FA2H: variants seen among roughly 807,000 people sequenced by gnomAD.
The protein encoded by FA2H is fatty acid 2-hydroxylase.
Under a neutral mutation model 44.9 loss-of-function variants are expected in FA2H, and 22 were observed. The ratio of observed to expected loss-of-function variants is 0.49; its 90% CI spans 0.35 to 0.70. FA2H has a LOEUF of 0.70. Ranked by LOEUF, FA2H falls within the 30% of genes least tolerant of loss-of-function variation. FA2H has a pLI of 0.01. For missense variants in FA2H, 501 were observed against 504.9 expected (o/e 0.99, Z 0.07); for synonymous variants, 243 against 213.2 (o/e 1.14, Z -1.22).
At chr16:74,753,777 G>A (rs10871296) in intron 1 of FA2H, among the ~76,000 whole-genome samples, 49,140 of 152,010 alleles carry the variant, frequency 0.32, 8,040 homozygotes, top group African/African-American at 0.35. Flanking sequence ...TAGGACAATG[G>A]GTTACAACAA....
At chr16:74,725,953 ATC>A (rs149369715) in intron 4 of FA2H, 568 of 433,222 alleles carry the variant, frequency 1.3e-3, no homozygotes, top group East Asian at 2.9e-3. Flanking sequence ...GAGGCACTCA[ATC>A]TCTCTCTCTC....
intron 1 of FA2H, among the ~76,000 whole-genome samples, chr16:74,750,866 C>T (rs1029224107): frequency 2.6e-5 from 4 of 151,758 alleles, no homozygotes; most frequent in African/African-American, 9.7e-5. Context: ...ACCTCAGCCT[C>T]GAGTTCCTGG....
At chr16:74,717,647 G>T (rs2144603843) in intron 5 of FA2H, among the ~76,000 whole-genome samples, 1 of 152,308 alleles carries the variant, frequency 6.6e-6, no homozygotes, top group East Asian at 1.9e-4. Flanking sequence ...GATAGGTCTG[G>T]GGATCTGAGA....
chr16:74,718,294 G>C (rs541673499), intron 5 of FA2H, among the ~76,000 whole-genome samples: 1 of 151,462 alleles, frequency 6.6e-6, no homozygotes, highest in Middle Eastern at 3.4e-3. Flanking sequence ...GCAGAGAACA[G>C]AGTGTGGAGA....
chr16:74,751,972 C>G (rs1429062474), intron 1 of FA2H, among the ~76,000 whole-genome samples: 3 of 152,192 alleles, frequency 2.0e-5, no homozygotes, highest in Admixed American at 6.5e-5. Context: ...AACATGGACA[C>G]CCACCCCAGT....
At chr16:74,715,722 T>A (rs1961677252) in intron 6 of FA2H, among the ~76,000 whole-genome samples, 2 of 152,216 alleles carry the variant, frequency 1.3e-5, no homozygotes, top group Admixed American at 1.3e-4. Flanking sequence ...TAAAATCACA[T>A]ATGTGGCCCA....
Position 74,716,613 on chromosome 16 carries a change from G to T in FA2H, c.787-14C>A. 4 of 1,542,212 alleles carry T rather than the reference G, an allele frequency of 2.6e-6. No homozygotes were observed. Among genetic ancestry groups the T allele is most frequent in the Non-Finnish European group, 3.5e-6 (4 of 1,145,342 alleles). Reference sequence around the variant, plus strand: ...GTCGAAGGGTGCCTGCAGATGGAGAGGCTTGGGCATCAGGAGGCAGCCAGG... The same window carrying T: ...GTCGAAGGGTGCCTGCAGATGGAGATGCTTGGGCATCAGGAGGCAGCCAGG... On this transcript the variant is annotated splice_polypyrimidine_tract_variant and intron_variant, in intron 5 of 6. Transcript: ENST00000219368.
At chr16:74,731,210 C>T (rs1022704099) in intron 2 of FA2H, among the ~76,000 whole-genome samples, 38 of 146,986 alleles carry the variant, frequency 2.6e-4, no homozygotes, top group East Asian at 2.0e-4. Context: ...CTCGGCTCAT[C>T]GTAACCTCCG....
At chr16:74,734,101 C>T (rs1962133501) in intron 2 of FA2H, among the ~76,000 whole-genome samples, 1 of 152,230 alleles carries the variant, frequency 6.6e-6, no homozygotes, top group African/African-American at 2.4e-5. Flanking sequence ...GCCCCATTTA[C>T]TTCTTATGTC....
At position 74,714,407 on chromosome 16, in the gene FA2H, G is replaced by A. The variant is rs1158169435; in HGVS notation, c.1040-138C>T. The A allele has an allele frequency of 1.0e-5, 7 of 699,186 alleles. No individual in the cohort carries two copies. In the Admixed American group the frequency reaches 1.0e-4, roughly 10 times the overall value. The allele number at this position is 699,186 out of a possible 1,614,324, so 43.3% of individuals were successfully genotyped here. ...CCCCTTGGCCTTCCCAACTCCCGAGGCCATTCTGGCAGAAGTCAAGGGTGG... is the reference window on the plus strand; with the variant it reads ...CCCCTTGGCCTTCCCAACTCCCGAGACCATTCTGGCAGAAGTCAAGGGTGG... On this transcript the variant is annotated intron_variant, in intron 6 of 6. Coordinates refer to ENST00000219368, the MANE Select transcript of FA2H (RefSeq NM_024306.5).
chr16:74,753,347 A>C (rs1962560845), intron 1 of FA2H, among the ~76,000 whole-genome samples: 1 of 152,194 alleles, frequency 6.6e-6, no homozygotes, highest in African/African-American at 2.4e-5. Flanking sequence ...CTCCGCACCA[A>C]ACGCTACGCA....
chr16:74,740,115 C>T lies in FA2H; in HGVS notation c.271G>A (p.Gly91Ser), dbSNP rs1400803879. The change falls in exon 2 of 7, where the codon GGC (glycine) becomes AGC (serine). Residue 91 changes from glycine (G) to serine (S), a missense_variant and splice_region_variant. Coordinates refer to ENST00000219368, the MANE Select transcript of FA2H (RefSeq NM_024306.5). ...GCTACAGGCTCGTTCTCCATGGAGC[C>T]CTGGAAGGAGAAGATACAAGAGGAT... ...YVGELRGEQQ[G>S]SMENEPVALE... 6.2e-7 allele frequency: 1 copy of T among 1,611,260 alleles called. No individual in the cohort carries two copies. The highest frequency in any genetic ancestry group is 8.5e-7 in the Non-Finnish European group (1 of 1,177,548).
At chr16:74,765,159 CTTT>C (rs11411146) in intron 1 of FA2H, among the ~76,000 whole-genome samples, 2 of 147,060 alleles carry the variant, frequency 1.4e-5, no homozygotes, top group African/African-American at 2.5e-5. Context: ...TTTTCTTAAT[CTTT>C]TTTTTTTTTT....
chr16:74,722,911 CAA>C (rs554074212), intron 4 of FA2H, among the ~76,000 whole-genome samples: 1,201 of 112,110 alleles, frequency 0.011, 10 homozygotes, highest in Non-Finnish European at 0.013. Context: ...AACTCCATCT[CAA>C]AAAAAAAAAA....
intron 2 of FA2H, 110 bp from the exon 3 acceptor site, chr16:74,727,496 G>T: frequency 1.6e-6 from 2 of 1,218,572 alleles, no homozygotes; most frequent in Non-Finnish European, 2.4e-6. Context: ...CAGCTCCTGT[G>T]ATCTGTGTGG....
At position 74,720,180 on chromosome 16, in the gene FA2H, C is replaced by CTTTTTTTTTTTTTTT. The variant is rs56341013; in HGVS notation, c.614-1035_614-1021dup. Among the ~76,000 whole-genome samples the CTTTTTTTTTTTTTTT allele has an allele frequency of 3.2e-4, 15 of 47,242 alleles. 2 individuals carry two copies. Among genetic ancestry groups the CTTTTTTTTTTTTTTT allele is most frequent in the Non-Finnish European group, 4.0e-4 (11 of 27,316 alleles). The allele number at this position is 47,242 out of a possible 152,430, so 31.0% of individuals were successfully genotyped here. On this transcript the variant is annotated intron_variant, in intron 4 of 6. Transcript: ENST00000219368. ...TTTGCTCCATATATTCATCCTCATC[C>CTTTTTTTTTTTTTTT]TTTTTTTTTTTTTTTTTTTTTTTTT... is the stretch of plus-strand genomic sequence containing the variant.
At chr16:74,716,733 G>GCCAA in intron 5 of FA2H, 134 bp from the exon 6 acceptor site, 2 of 1,064,886 alleles carry the variant, frequency 1.9e-6, no homozygotes, top group South Asian at 1.7e-5. Flanking sequence ...CACCTTTGGT[G>GCCAA]GCTTTGGGGA....
At chr16:74,730,165 G>T (rs977102421) in intron 2 of FA2H, among the ~76,000 whole-genome samples, 9 of 152,138 alleles carry the variant, frequency 5.9e-5, no homozygotes, top group Admixed American at 5.9e-4. Flanking sequence ...CTGGGAGCAG[G>T]GGGGTGGGGG....
rs1230776326 is a variant in FA2H at position 74,716,590 on chromosome 16, C to T, written c.796G>A (p.Asp266Asn). The T allele has an allele frequency of 2.6e-6, 4 of 1,562,940 alleles. No individual in the cohort carries two copies. Among genetic ancestry groups the T allele is most frequent in the Non-Finnish European group, 3.5e-6 (4 of 1,155,110 alleles). The change falls in exon 6 of 7, where the codon GAC (aspartate) becomes AAC (asparagine). Residue 266 changes from aspartate (D) to asparagine (N), a missense_variant. Asp to Asn is a conservative substitution (Grantham distance 23). Transcript: ENST00000219368. ...MHGQHHKAPF[D>N]GSRLVFPPVP... ...GGGGGGAAGACCAGGCGGGAGCCGT[C>T]GAAGGGTGCCTGCAGATGGAGAGGC...
Sources: gnomAD v4.1 joint callset for allele counts (sites outside exome capture counted in the v4.1 genomes callset) on GRCh38, gnomAD v4.1.1 for gene constraint, MANE v1.5 for transcripts, NCBI Gene and HGNC (gene_info 2026-07-23, HGNC 2026-07-21) for gene names.